CEP131: variants seen among roughly 807,000 people sequenced by gnomAD.
CEP131 encodes the protein centrosomal protein 131.
CEP131 carries 99 observed loss-of-function variants against 136.8 expected under a neutral mutation model. The ratio of observed to expected loss-of-function variants is 0.72; its 90% confidence interval spans 0.62 to 0.86. The LOEUF (loss-of-function observed/expected upper bound fraction) is 0.86, where lower values mean the gene tolerates loss of function less well. CEP131 is among the 40% of genes least tolerant of loss of function. CEP131 has a pLI of 0.00. For synonymous variants in CEP131, 646 were observed against 612.7 expected, an observed-to-expected ratio of 1.05 and a Z score of -0.80; for missense variants, 1,459 against 1,463.0, an observed-to-expected ratio of 1.00 and a Z score of 0.04.
Position 81,189,689 on chromosome 17 carries a change from C to A in CEP131, c.*80G>T. The A allele has an allele frequency of 7.0e-7, 1 of 1,424,200 alleles. No individual in the cohort carries two copies. The highest frequency in any genetic ancestry group is 2.4e-5 in the East Asian group (1 of 42,174). The allele number at this position is 1,424,200 out of a possible 1,614,324, so 88.2% of individuals were successfully genotyped here. ...CCAGCCTCTGTGGGGGGCAGGTGGG[C>A]GTCCCTGTGGGCCTCTGGGCCCACG... On this transcript the variant is annotated 3_prime_UTR_variant, in exon 26 of 26. Coordinates refer to ENST00000450824, the MANE Select transcript of CEP131 (RefSeq NM_014984.4).
At position 81,208,434 on chromosome 17, in the gene CEP131, C is replaced by T. The variant is rs987865122; in HGVS notation, c.272+494G>A. Among the ~76,000 whole-genome samples, 8 of 152,260 alleles carry T rather than the reference C, an allele frequency of 5.3e-5. 2 individuals are homozygous for T. Among genetic ancestry groups the T allele is most frequent in the Admixed American group, 5.2e-4 (8 of 15,296 alleles). Reference sequence around the variant, plus strand: ...CCCCCCGGAGGCTGCTGGCCACCACCGGCTCCACTCCCCACAACACCCCCA... The same window carrying T: ...CCCCCCGGAGGCTGCTGGCCACCACTGGCTCCACTCCCCACAACACCCCCA... On this transcript the variant is annotated intron_variant, in intron 3 of 25. Transcript: ENST00000450824. The surrounding 1 kb of genome is among the most constrained non-coding windows in gnomAD (Gnocchi z 5.6).
Position 81,203,557 on chromosome 17 carries a change from C to A in CEP131, c.566G>T (p.Arg189Leu), listed in dbSNP as rs1169959761. 2 of 1,608,172 alleles carry A rather than the reference C, an allele frequency of 1.2e-6. No homozygotes were observed. The highest frequency in any genetic ancestry group is 1.3e-5 in the African/African-American group (1 of 74,964). ...AGGCGCCCTCTCCGAGGGGGTGTAG[C>A]GGTTGTGCACCATGGTGGTGACGCA... Reference protein sequence around the residue: ...GNCVTTMVHNRYTPSERAPPL... With the variant: ...GNCVTTMVHNLYTPSERAPPL... The change falls in exon 6 of 26, where the codon CGC becomes CTC. Residue 189 changes from arginine (R) to leucine (L), a missense_variant. Arg to Leu is a moderately radical substitution (Grantham distance 102). Coordinates refer to ENST00000450824, the MANE Select transcript of CEP131 (RefSeq NM_014984.4). This position sits in a 1 kb window ranked among gnomAD's most constrained non-coding sequence, Gnocchi z 4.6.
At position 81,211,404 on chromosome 17, in the gene CEP131, C is replaced by A. The variant is rs567303283; in HGVS notation, c.178-2382G>T. ...GGCAGTGCCCATCAGACAGCAAGTG[C>A]CCAAAAGAGAGACCCTGAAAAGGGG... On this transcript the variant is annotated intron_variant, in intron 2 of 25. Coordinates refer to ENST00000450824, the MANE Select transcript of CEP131 (RefSeq NM_014984.4). Among the ~76,000 whole-genome samples the A allele has an allele frequency of 2.0e-5, 3 of 152,326 alleles. No individual in the cohort carries two copies. In the South Asian group the frequency reaches 6.2e-4, roughly 32 times the overall value.
chr17:81,207,017 G>A, intron 4 of CEP131, 108 bp downstream of exon 4: 2 of 1,515,552 alleles, frequency 1.3e-6, no homozygotes, highest in South Asian at 1.3e-5. Flanking sequence ...ATCTAAGCTT[G>A]ACACCCTCCC....
In CEP131 at chr17:81,192,796, C is replaced by T. The variant is rs376522416; in HGVS notation, c.2369G>A (p.Arg790Gln). The T allele has an allele frequency of 6.8e-5, 109 of 1,597,670 alleles. No individual in the cohort carries two copies. The highest frequency in any genetic ancestry group is 5.1e-4 in the South Asian group (46 of 91,016). ...AGCCACCTCACTGTACAGCCGCTGCCGTTGCTGCTGCAGCGCCCACTGCTC... is the reference window on the plus strand; with the variant it reads ...AGCCACCTCACTGTACAGCCGCTGCTGTTGCTGCTGCAGCGCCCACTGCTC... ...EQEQWALQQQRQRLYSEVAEE... is the reference protein window; with the variant it reads ...EQEQWALQQQQQRLYSEVAEE... The change falls in exon 19 of 26, where the codon CGG (arginine) becomes CAG (glutamine). Residue 790 changes from arginine (R) to glutamine (Q), a missense_variant. This residue lies in a region of CEP131 where 1,026 missense variants were observed against 964.2 expected (regional missense o/e 1.06). Transcript: ENST00000450824.
intron 17 of CEP131, among the ~76,000 whole-genome samples, chr17:81,194,567 C>T (rs2061713170): frequency 6.6e-6 from 1 of 152,234 alleles, no homozygotes; most frequent in Non-Finnish European, 1.5e-5. Flanking sequence ...CCACAGTCGT[C>T]CACAAACTCC....
chr17:81,199,909 C>T, intron 8 of CEP131, 74 bp from the exon 9 acceptor site: 1 of 1,479,014 alleles, frequency 6.8e-7, no homozygotes, highest in Non-Finnish European at 9.4e-7. Context: ...GAGGTTTCCC[C>T]ACAACGCCCT....
chr17:81,219,633 G>T lies in CEP131; in HGVS notation c.177+247C>A, dbSNP rs1335508511. Among the ~76,000 whole-genome samples the T allele has an allele frequency of 6.6e-6, 1 of 152,078 alleles. No homozygotes were observed. The highest frequency in any genetic ancestry group is 1.5e-5 in the Non-Finnish European group (1 of 68,002). ...CCTGAGGATTCAAACAAATCCAAAG[G>T]GCGGTGGCACAGGAGGCCTGGGGCT... On this transcript the variant is annotated intron_variant, in intron 2 of 25. Transcript: ENST00000450824. This position sits in a 1 kb window ranked among gnomAD's most constrained non-coding sequence, Gnocchi z 4.0.
rs1156627247 is a variant in CEP131 at position 81,208,207 on chromosome 17, G to A, written c.272+721C>T. On this transcript the variant is annotated intron_variant, in intron 3 of 25. Transcript: ENST00000450824. This position sits in a 1 kb window ranked among gnomAD's most constrained non-coding sequence, Gnocchi z 5.6. ...CGAAGCTAGTTGCTGAGCTAAGAGC[G>A]GCTCCCGGAGGCTGCACTGGATAGG... 5.3e-5 allele frequency among the ~76,000 whole-genome samples: 8 copies of A among 151,706 alleles called. No homozygotes were observed. In the South Asian group the frequency reaches 6.3e-4, roughly 12 times the overall value.
Position 81,198,942 on chromosome 17 carries a change from C to G in CEP131, c.1222G>C (p.Asp408His). The stretch of plus-strand genomic sequence containing the variant: ...GAGTCGGAGGTGGGCAGGCAGCGGT[C>G]TCCGGGGCCTGCAGCAGGGAGGCCA... ...GGGLPAAGPG[D>H]RCLPTSDSSP... The change falls in exon 11 of 26, where the codon GAC becomes CAC. Residue 408 changes from aspartate (D) to histidine (H), a missense_variant. Coordinates refer to ENST00000450824, the MANE Select transcript of CEP131 (RefSeq NM_014984.4). 6.3e-7 allele frequency: 1 copy of G among 1,586,054 alleles called. No individual in the cohort carries two copies.
chr17:81,205,455 T>TAGGAGGGGCAGGGGGGG (rs2061987774), intron 5 of CEP131, among the ~76,000 whole-genome samples: 3 of 8,152 alleles, frequency 3.7e-4, no homozygotes, highest in African/African-American at 1.2e-3. Flanking sequence ...GGTGGGGGGG[T>TAGGAGGGGCAGGGGGGG]AGGAGGGGCG....
At position 81,197,059 on chromosome 17, in the gene CEP131, C is replaced by T. The variant is rs1218138305; in HGVS notation, c.1648-4G>A. On this transcript the variant is annotated splice_polypyrimidine_tract_variant and splice_region_variant and intron_variant, in intron 13 of 25. Coordinates refer to ENST00000450824, the MANE Select transcript of CEP131 (RefSeq NM_014984.4). ...GCCCCGCCTCCGGCACCCACCCCTG[C>T]AGACACAGCCGAGCGTCAGGCGGAA... The T allele has an allele frequency of 6.3e-7, 1 of 1,584,228 alleles. No homozygotes were observed. The highest frequency in any genetic ancestry group is 8.6e-7 in the Non-Finnish European group (1 of 1,165,498).
Position 81,202,270 on chromosome 17 carries a change from C to T in CEP131, c.758G>A (p.Arg253Gln), listed in dbSNP as rs376964153. The T allele has an allele frequency of 4.5e-5, 73 of 1,611,200 alleles. No homozygotes were observed. In the African/African-American group the frequency reaches 5.1e-4, roughly 11 times the overall value. ...AGCCTCCTCCTCCGTCACCTCCTTC[C>T]GCCTGGGCAAGCCCGTGCTGCCCCC... Reference protein sequence around the residue: ...NTGGSTGLPRRKEVTEEEAER... With the variant: ...NTGGSTGLPRQKEVTEEEAER... The change falls in exon 7 of 26, where the codon CGG becomes CAG. Residue 253 changes from arginine (R) to glutamine (Q), a missense_variant. Arg to Gln is a conservative substitution (Grantham distance 43, BLOSUM62 1). Coordinates refer to ENST00000450824, the MANE Select transcript of CEP131 (RefSeq NM_014984.4).
chr17:81,218,249 G>A (rs2062299431), intron 2 of CEP131, among the ~76,000 whole-genome samples: 1 of 152,136 alleles, frequency 6.6e-6, no homozygotes, highest in Non-Finnish European at 1.5e-5. Flanking sequence ...CACTATGTTG[G>A]CCAGGCTGGT....
intron 17 of CEP131, among the ~76,000 whole-genome samples, chr17:81,194,625 C>A (rs528004980): frequency 6.6e-6 from 1 of 152,238 alleles, no homozygotes; most frequent in African/African-American, 2.4e-5. Flanking sequence ...TGAGCCCCCT[C>A]GTTTCAGGCA....
chr17:81,190,497 A>T, intron 24 of CEP131, 142 bp downstream of exon 24: 1 of 1,133,148 alleles, frequency 8.8e-7, no homozygotes, highest in Non-Finnish European at 1.2e-6. Flanking sequence ...CATGGAACCC[A>T]CACCAGCCTC....
rs767023822 is a variant in CEP131, at chr17:81,190,632, C to T, written c.3107+7G>A. 4.5e-5 allele frequency: 71 copies of T among 1,572,728 alleles called. No homozygotes were observed. The African/African-American group carries it at 6.5e-4, about 14-fold the overall frequency. On this transcript the variant is annotated splice_region_variant and intron_variant, in intron 24 of 25. Coordinates refer to ENST00000450824, the MANE Select transcript of CEP131 (RefSeq NM_014984.4). ...CCGTCTCCAGCCCTGCAGCCCCCGC[C>T]GCCCACCTCCGGTGCACCTCCTCCA...
chr17:81,212,653 G>A (rs564694853), intron 2 of CEP131, among the ~76,000 whole-genome samples: 1 of 151,966 alleles, frequency 6.6e-6, no homozygotes, highest in African/African-American at 2.4e-5. Context: ...ATGGGGTTTG[G>A]GTTATCCACT....
chr17:81,213,698 G>A (rs1343447279), intron 2 of CEP131, among the ~76,000 whole-genome samples: 4 of 152,160 alleles, frequency 2.6e-5, no homozygotes, highest in East Asian at 1.9e-4. Flanking sequence ...TGAACAAAGC[G>A]ACTTCCTTCC....
Sources: gnomAD v4.1 joint callset for allele counts (sites outside exome capture counted in the v4.1 genomes callset) on GRCh38, gnomAD v4.1.1 for gene constraint, gnomAD v4.1.1 regional missense constraint, Gnocchi (gnomAD v3.1) non-coding constraint, MANE v1.5 for transcripts, NCBI Gene and HGNC (gene_info 2026-07-23, HGNC 2026-07-21) for gene names.